The following HAVCR2 variants were observed in gnomAD, a reference collection of about 807,000 sequenced individuals.
HAVCR2 encodes the protein hepatitis A virus cellular receptor 2, also known as T cell immunoglobulin mucin 3.
HAVCR2 carries 13 observed loss-of-function variants against 24.7 expected under a neutral mutation model. That is an observed-to-expected ratio of 0.53 (90% CI 0.34 to 0.84). The LOEUF (loss-of-function observed/expected upper bound fraction) is 0.84. Among genes scored for constraint, HAVCR2 ranks in the 40% least tolerant of loss-of-function variants. HAVCR2 has a pLI of 0.01. For missense variants in HAVCR2, 343 were observed against 371.2 expected, an observed-to-expected ratio of 0.92 and a Z score of 0.62; for synonymous variants, 154 against 143.4, an observed-to-expected ratio of 1.07 and a Z score of -0.53.
chr5:157,099,482 C>T (rs1757140904), intron 3 of HAVCR2, among the ~76,000 whole-genome samples: 1 of 151,978 alleles, frequency 6.6e-6, no homozygotes, highest in South Asian at 2.1e-4. Flanking sequence ...GAACTCCTGA[C>T]CTCAGGTGAT....
intron 5 of HAVCR2, 103 bp from the exon 6 acceptor site, chr5:157,089,080 G>GA: frequency 2.1e-6 from 2 of 963,316 alleles, no homozygotes; most frequent in Non-Finnish European, 3.2e-6. Context: ...AGGGAAATCT[G>GA]GTCTCATCTC....
At chr5:157,108,798 G>A (rs188082168) in intron 1 of HAVCR2, 128 bp downstream of exon 1, 8 of 689,644 alleles carry the variant, frequency 1.2e-5, no homozygotes, top group East Asian at 5.3e-5. Flanking sequence ...CTCCCTCATC[G>A]ACGGACATTT....
chr5:157,089,689 C>T (rs998080465), intron 5 of HAVCR2, among the ~76,000 whole-genome samples: 2 of 152,122 alleles, frequency 1.3e-5, no homozygotes, highest in Non-Finnish European at 2.9e-5. Context: ...ACTTTAAGCT[C>T]GTTTCTGAAA....
Position 157,104,719 on chromosome 5 carries a change from C to T in HAVCR2, c.425G>A (p.Arg142Lys), listed in dbSNP as rs758285555. ...CCTTGGAAAGGCTGCAGTGAAGTCTCTCTGCCGAGTCGGTGCAGGGGTGAC... is the reference window on the plus strand; with the variant it reads ...CCTTGGAAAGGCTGCAGTGAAGTCTTTCTGCCGAGTCGGTGCAGGGGTGAC... ...AKVTPAPTRQ[R>K]DFTAAFPRML... Residue 142 changes from arginine (R) to lysine (K), a missense_variant, in exon 3 of 7, where the codon AGA becomes AAA. Arg to Lys is a conservative substitution (Grantham distance 26). Transcript: ENST00000307851. 3 of 1,604,902 alleles carry T rather than the reference C, an allele frequency of 1.9e-6. No individual in the cohort carries two copies. Among genetic ancestry groups the T allele is most frequent in the Non-Finnish European group, 2.6e-6 (3 of 1,175,172 alleles).
At chr5:157,093,470 C>T (rs1757042132) in intron 5 of HAVCR2, among the ~76,000 whole-genome samples, 2 of 152,118 alleles carry the variant, frequency 1.3e-5, no homozygotes, top group East Asian at 1.9e-4. Flanking sequence ...CAGTTTTAGC[C>T]CTAGAAGTCC....
intron 5 of HAVCR2, among the ~76,000 whole-genome samples, chr5:157,092,878 C>CAAAAAAAAAAAAAAAAAAAAAAAAAAAAA (rs556443053): frequency 4.5e-5 from 2 of 44,044 alleles, no homozygotes; most frequent in Non-Finnish European, 9.2e-5. Flanking sequence ...CTGTCTCTAC[C>CAAAAAAAAAAAAAAAAAAAAAAAAAAAAA]AAAAAAAAAA....
intron 4 of HAVCR2, among the ~76,000 whole-genome samples, chr5:157,097,879 C>T (rs1379555661): frequency 2.6e-5 from 4 of 152,046 alleles, no homozygotes; most frequent in East Asian, 1.9e-4. Context: ...GGATTACAGA[C>T]GTGAGTCACT....
At chr5:157,104,833 A>T in intron 2 of HAVCR2, 84 bp from the exon 3 acceptor site, 1 of 948,762 alleles carries the variant, frequency 1.1e-6, no homozygotes, top group Non-Finnish European at 1.6e-6. Context: ...GCAAGAAAAA[A>T]ATGCGAAAGA....
chr5:157,090,520 G>A, intron 5 of HAVCR2, among the ~76,000 whole-genome samples: 1 of 152,206 alleles, frequency 6.6e-6, no homozygotes, highest in East Asian at 1.9e-4. Context: ...CTTGAACTCG[G>A]GAGGTAGAGG....
rs142180056 is a variant in HAVCR2, at chr5:157,108,958, C to G, written c.26G>C (p.Cys9Ser). 1.9e-6 allele frequency: 3 copies of G among 1,614,028 alleles called. No individual in the cohort carries two copies. The highest frequency in any genetic ancestry group is 3.3e-5 in the Admixed American group (2 of 59,996). Residue 9 changes from cysteine to serine, a missense_variant, in exon 1 of 7, where the codon TGT (cysteine) becomes TCT (serine). Coordinates refer to ENST00000307851, the MANE Select transcript of HAVCR2 (RefSeq NM_032782.5). MFSHLPFD[C>S]VLLLLLLLLT... ...TAGTAGCAGCAGCAGCAGCAGGACA[C>G]AGTCAAAGGGAAGATGTGAAAACAT...
At chr5:157,092,913 A>AT (rs1757028048) in intron 5 of HAVCR2, among the ~76,000 whole-genome samples, 1 of 122,972 alleles carries the variant, frequency 8.1e-6, no homozygotes, top group African/African-American at 3.1e-5. Context: ...AAAAAAAAAA[A>AT]AAAAACTAGC....
At chr5:157,095,957 G>A (rs1207017305) in intron 4 of HAVCR2, among the ~76,000 whole-genome samples, 1 of 152,170 alleles carries the variant, frequency 6.6e-6, no homozygotes, top group Admixed American at 6.5e-5. Context: ...CGGGCGCGGT[G>A]GCTAATGCCT....
chr5:157,106,637 G>T lies in HAVCR2; in HGVS notation c.384C>A (p.Val128=). 6.2e-7 allele frequency: 1 copy of T among 1,613,798 alleles called. No homozygotes were observed. The highest frequency in any genetic ancestry group is 1.1e-5 in the South Asian group (1 of 91,054). ...MNDEKFNLKL[V]IKPAKVTPAP... ...CAAATGTCCACTCACCTGGTTTGAT[G>T]ACCAACTTCAGGTTAAATTTTTCAT... The change falls in exon 2 of 7, where the codon GTC becomes GTA. Residue 128 remains valine (V), a synonymous_variant. Coordinates refer to ENST00000307851, the MANE Select transcript of HAVCR2 (RefSeq NM_032782.5).
Position 157,087,082 on chromosome 5 carries a change from C to A in HAVCR2, c.*20G>T, listed in dbSNP as rs1363293582. 1.2e-6 allele frequency: 2 copies of A among 1,606,170 alleles called. No homozygotes were observed. The highest frequency in any genetic ancestry group is 1.1e-5 in the South Asian group (1 of 89,408). On this transcript the variant is annotated 3_prime_UTR_variant, in exon 7 of 7. Transcript: ENST00000307851. ...TCTGAAAAAGACAAAACACCAAGCT[C>A]AAAAATAAGGTGGTTGGATCTATGG... is the stretch of plus-strand genomic sequence containing the variant.
At chr5:157,094,146 A>G (rs1432683017) in intron 5 of HAVCR2, among the ~76,000 whole-genome samples, 1 of 148,708 alleles carries the variant, frequency 6.7e-6, no homozygotes, top group Non-Finnish European at 1.5e-5. Context: ...TGATCCTCCC[A>G]CCTCAGCCTC....
chr5:157,090,384 T>C (rs1480050410), intron 5 of HAVCR2, among the ~76,000 whole-genome samples: 1 of 151,982 alleles, frequency 6.6e-6, no homozygotes, highest in Non-Finnish European at 1.5e-5. Flanking sequence ...TTCTTGAGCT[T>C]GGGAGTTCGA....
chr5:157,096,828 C>T (rs940759907), intron 4 of HAVCR2, among the ~76,000 whole-genome samples: 2 of 151,704 alleles, frequency 1.3e-5, no homozygotes, highest in Admixed American at 1.3e-4. Flanking sequence ...GCCAGGCTCA[C>T]ACCTATAATC....
intron 3 of HAVCR2, among the ~76,000 whole-genome samples, chr5:157,100,969 G>C (rs991646116): frequency 6.6e-6 from 1 of 151,902 alleles, no homozygotes. Flanking sequence ...GGTGGTGTAC[G>C]CCTGTAGTCC....
At chr5:157,095,076 A>C (rs1757074316) in intron 5 of HAVCR2, among the ~76,000 whole-genome samples, 1 of 152,224 alleles carries the variant, frequency 6.6e-6, no homozygotes, top group Non-Finnish European at 1.5e-5. Context: ...CTTATCTCAT[A>C]AGACAGTAAT....
Sources: gnomAD v4.1 joint callset for allele counts (sites outside exome capture counted in the v4.1 genomes callset) on GRCh38, gnomAD v4.1.1 for gene constraint, MANE v1.5 for transcripts, NCBI Gene and HGNC (gene_info 2026-07-23, HGNC 2026-07-21) for gene names.